The following CYTH3 variants were observed in gnomAD, a reference collection of about 807,000 sequenced individuals.
CYTH3 encodes cytohesin 3.
In CYTH3, 23 loss-of-function variants were observed where a neutral mutation model predicts 55.1. The ratio of observed to expected loss-of-function variants is 0.42; its 90% CI spans 0.30 to 0.59. CYTH3 has a LOEUF of 0.59. Ranked by LOEUF, CYTH3 falls within the 20% of genes least tolerant of loss-of-function variation. The pLI is 0.20. For synonymous variants in CYTH3, 249 were observed against 194.9 expected (o/e 1.28, Z -2.31); for missense variants, 413 against 524.8 (o/e 0.79, Z 2.08).
In CYTH3 at chr7:6,233,343, A is replaced by C. The variant is rs552639862; in HGVS notation, c.34+39131T>G. Among the ~76,000 whole-genome samples, 3 of 152,324 alleles carry C rather than the reference A, an allele frequency of 2.0e-5. No homozygotes were observed. The East Asian group carries it at 5.8e-4, about 29-fold the overall frequency. ...AAGCTTTAGCTTTGACCCATATCTA[A>C]GAGGTCACCAAATCCTGCCAATTCT... On this transcript the variant is annotated intron_variant, in intron 1 of 12. Coordinates refer to ENST00000350796, the MANE Select transcript of CYTH3 (RefSeq NM_004227.4).
intron 2 of CYTH3, among the ~76,000 whole-genome samples, chr7:6,187,940 T>C (rs1211604025): frequency 6.6e-6 from 1 of 152,170 alleles, no homozygotes; most frequent in Non-Finnish European, 1.5e-5. Flanking sequence ...TTTCATCAGA[T>C]ACCAGGTTCA....
In CYTH3 at chr7:6,272,438, G is replaced by T; in HGVS notation, c.34+36C>A. ...CCCCAGCCCCCGGCCCCCGACCCCAGGCCGCCGGCGAGCCCACCACACCTC... is the reference window on the plus strand; with the variant it reads ...CCCCAGCCCCCGGCCCCCGACCCCATGCCGCCGGCGAGCCCACCACACCTC... On this transcript the variant is annotated intron_variant, in intron 1 of 12. Transcript: ENST00000350796. 4 of 1,124,614 alleles carry T rather than the reference G, an allele frequency of 3.6e-6. No individual in the cohort carries two copies. In the South Asian group the frequency reaches 5.8e-5, roughly 16 times the overall value. 69.7% of individuals were successfully genotyped at this position (1,124,614 alleles called of 1,614,324 possible).
At chr7:6,239,097 C>G (rs888529963) in intron 1 of CYTH3, among the ~76,000 whole-genome samples, 3 of 152,188 alleles carry the variant, frequency 2.0e-5, no homozygotes, top group African/African-American at 7.2e-5. Context: ...GCCTGTAGTC[C>G]CAACTACTCA....
At chr7:6,228,557 C>T (rs2128553075) in intron 1 of CYTH3, among the ~76,000 whole-genome samples, 1 of 152,236 alleles carries the variant, frequency 6.6e-6, no homozygotes, top group Admixed American at 6.5e-5. Flanking sequence ...CCCAGATGAC[C>T]TTAAAAATAA....
rs372831196 is a variant in CYTH3, at chr7:6,193,816, G to T, written c.35-3285C>A. On this transcript the variant is annotated intron_variant, in intron 1 of 12. Transcript: ENST00000350796. ...GCACTTCTAACACGTTTGAGGGCAA[G>T]GGCACCCTACTAAAAACAGGGGTGA... Among the ~76,000 whole-genome samples the T allele has an allele frequency of 3.9e-5, 6 of 152,256 alleles. No homozygotes were observed. In the East Asian group the frequency reaches 1.2e-3, roughly 29 times the overall value.
rs550017481 is a variant in CYTH3, at chr7:6,234,964, C to A, written c.34+37510G>T. ...AGCTACTCAGCAAGAAAATGAGAGCCTCTGATCCCTCACTTCAGTGCCTTG... is the reference window on the plus strand; with the variant it reads ...AGCTACTCAGCAAGAAAATGAGAGCATCTGATCCCTCACTTCAGTGCCTTG... On this transcript the variant is annotated intron_variant, in intron 1 of 12. Transcript: ENST00000350796. Among the ~76,000 whole-genome samples the A allele has an allele frequency of 2.6e-5, 4 of 152,292 alleles. No individual in the cohort carries two copies. In the South Asian group the frequency reaches 8.3e-4, roughly 32 times the overall value.
At chr7:6,226,126 T>A (rs866077284) in intron 1 of CYTH3, among the ~76,000 whole-genome samples, 1 of 152,178 alleles carries the variant, frequency 6.6e-6, no homozygotes. Context: ...ATGTGTTTTT[T>A]AAAAAAATTA....
chr7:6,253,094 TA>T (rs1223883248), intron 1 of CYTH3, among the ~76,000 whole-genome samples: 1 of 152,136 alleles, frequency 6.6e-6, no homozygotes, highest in African/African-American at 2.4e-5. Flanking sequence ...TATTTACAAT[TA>T]AAAAATTAAA....
intron 6 of CYTH3, chr7:6,172,987 G>C: frequency 9.1e-7 from 1 of 1,096,374 alleles, no homozygotes; most frequent in Non-Finnish European, 1.1e-6. Flanking sequence ...AGATGACGAG[G>C]TGCGGCCTGA....
intron 1 of CYTH3, among the ~76,000 whole-genome samples, chr7:6,237,480 C>T (rs1169407428): frequency 6.6e-6 from 1 of 152,102 alleles, no homozygotes; most frequent in African/African-American, 2.4e-5. Flanking sequence ...GAGGCCGAGG[C>T]GGGCGGATCT....
At chr7:6,232,139 C>T (rs1433810084) in intron 1 of CYTH3, among the ~76,000 whole-genome samples, 1 of 152,150 alleles carries the variant, frequency 6.6e-6, no homozygotes, top group Non-Finnish European at 1.5e-5. Flanking sequence ...CATTGCCAAT[C>T]CCCAATCCTT....
chr7:6,196,054 G>A (rs1303408548), intron 1 of CYTH3, among the ~76,000 whole-genome samples: 2 of 152,020 alleles, frequency 1.3e-5, no homozygotes, highest in South Asian at 2.1e-4. Flanking sequence ...TCTCTTTCTC[G>A]CTCTAGGCTT....
chr7:6,226,204 A>C (rs1246391611), intron 1 of CYTH3, among the ~76,000 whole-genome samples: 1 of 152,168 alleles, frequency 6.6e-6, no homozygotes, highest in Non-Finnish European at 1.5e-5. Flanking sequence ...AGGTCTCCCT[A>C]AAGATCCAGA....
chr7:6,222,818 T>A (rs890015853), intron 1 of CYTH3, among the ~76,000 whole-genome samples: 1 of 151,832 alleles, frequency 6.6e-6, no homozygotes, highest in African/African-American at 2.4e-5. Context: ...TTATACATTA[T>A]TATAAAGTGT....
chr7:6,166,501 C>A (rs184310890), intron 9 of CYTH3, among the ~76,000 whole-genome samples: 1 of 152,334 alleles, frequency 6.6e-6, no homozygotes, highest in East Asian at 1.9e-4. Context: ...TCCAGCGCTG[C>A]GGAGCTCACC....
chr7:6,205,574 CAACA>C (rs1352255239), intron 1 of CYTH3, among the ~76,000 whole-genome samples: 2 of 151,944 alleles, frequency 1.3e-5, no homozygotes, highest in African/African-American at 4.8e-5. Context: ...ACTCCGTCTC[CAACA>C]AACAAATAAA....
intron 4 of CYTH3, 56 bp downstream of exon 4, chr7:6,186,994 G>A: frequency 2.6e-6 from 4 of 1,563,920 alleles, no homozygotes; most frequent in Non-Finnish European, 3.5e-6. Context: ...GGAAACGGCA[G>A]TTCAAATCAA....
At chr7:6,209,624 A>G (rs765299712) in intron 1 of CYTH3, among the ~76,000 whole-genome samples, 8 of 152,196 alleles carry the variant, frequency 5.3e-5, no homozygotes, top group Admixed American at 2.6e-4. Flanking sequence ...AATTTACCCA[A>G]CTGAGTTGGA....
rs1318011079 is a variant in CYTH3 at position 6,190,545 on chromosome 7, A to T, written c.35-14T>A. 7 of 1,500,448 alleles carry T rather than the reference A, an allele frequency of 4.7e-6. No homozygotes were observed. Among genetic ancestry groups the T allele is most frequent in the Non-Finnish European group, 6.2e-6 (7 of 1,135,352 alleles). The allele number at this position is 1,500,448 out of a possible 1,614,324, so 92.9% of individuals were successfully genotyped here. Reference sequence around the variant, plus strand: ...GGTCTTCAGGCACTGAAAGAAGAAAAAAATAATTAACTACTTTGGAGAACA... The same window carrying T: ...GGTCTTCAGGCACTGAAAGAAGAAATAAATAATTAACTACTTTGGAGAACA... On this transcript the variant is annotated splice_polypyrimidine_tract_variant and intron_variant, in intron 1 of 12. Transcript: ENST00000350796.
Sources: allele counts gnomAD v4.1 joint callset (sites outside exome capture counted in the v4.1 genomes callset), GRCh38; gene constraint gnomAD v4.1.1; transcripts MANE v1.5; gene names NCBI Gene and HGNC (gene_info 2026-07-23, HGNC 2026-07-21).